DMD: variants seen among roughly 807,000 people sequenced by gnomAD.
DMD encodes dystrophin.
DMD carries 63 observed loss-of-function variants against 330.1 expected under a neutral mutation model. The observed-to-expected ratio is 0.19, with a 90% CI of 0.16 to 0.24. The LOEUF is 0.24. Ranked by LOEUF, DMD falls within the 10% of genes least tolerant of loss-of-function variation. The pLI, the probability that DMD is intolerant of heterozygous loss-of-function variation, is 1.00. For missense variants in DMD, 3,344 were observed against 2,684.1 expected, an observed-to-expected ratio of 1.25 and a Z score of -5.43; for synonymous variants, 1,223 against 959.8, an observed-to-expected ratio of 1.27 and a Z score of -5.07.
At chrX:32,757,602 T>C (rs767440171) in intron 7 of DMD, among the ~76,000 whole-genome samples, 1 of 110,478 alleles carries the variant, frequency 9.1e-6, no homozygotes, top group Non-Finnish European at 1.9e-5. Flanking sequence ...GATCTGATGG[T>C]TTTATACAAG....
At chrX:31,335,658 T>C (rs2057371543) in intron 61 of DMD, among the ~76,000 whole-genome samples, 1 of 112,305 alleles carries the variant, frequency 8.9e-6, no homozygotes. Flanking sequence ...TAATAATCAC[T>C]ACTTATCCTG....
chrX:31,359,580 T>C (rs2058833655), intron 60 of DMD, among the ~76,000 whole-genome samples: 1 of 112,370 alleles, frequency 8.9e-6, no homozygotes, highest in Admixed American at 9.4e-5. Context: ...TATAGAGCAT[T>C]TACTATATCC....
intron 67 of DMD, 106 bp from the exon 68 acceptor site, chrX:31,183,010 A>C: frequency 1.4e-6 from 1 of 699,847 alleles, no homozygotes; most frequent in South Asian, 2.7e-5. Flanking sequence ...TAAACAGAAA[A>C]GATAGAAAGA....
At chrX:32,777,522 A>C (rs1175371853) in intron 7 of DMD, among the ~76,000 whole-genome samples, 1 of 110,455 alleles carries the variant, frequency 9.1e-6, no homozygotes, top group African/African-American at 3.3e-5. Flanking sequence ...GTCATTGGGG[A>C]AAGTTATGCT....
intron 1 of DMD, among the ~76,000 whole-genome samples, chrX:33,185,555 A>C (rs1248662228): frequency 9.0e-6 from 1 of 111,602 alleles, no homozygotes; most frequent in Non-Finnish European, 1.9e-5. Context: ...ACTATCATCT[A>C]TCTCCATGTA....
At chrX:31,215,136 T>G (rs1278347698) in intron 64 of DMD, among the ~76,000 whole-genome samples, 1 of 107,913 alleles carries the variant, frequency 9.3e-6, no homozygotes, top group African/African-American at 3.4e-5. Context: ...AGAGATGGGG[T>G]TTCACCGTGT....
chrX:31,348,450 T>C, intron 61 of DMD, 106 bp downstream of exon 61: 5 of 741,333 alleles, frequency 6.7e-6, no homozygotes, highest in Non-Finnish European at 1.0e-5. Flanking sequence ...CTGCATCTGA[T>C]AAAAGATTAC....
chrX:31,168,148 G>C (rs1189559153), intron 74 of DMD, among the ~76,000 whole-genome samples: 1 of 111,723 alleles, frequency 9.0e-6, no homozygotes, highest in Admixed American at 9.5e-5. Flanking sequence ...GCTTGAGCTT[G>C]ACCCCAAAGG....
At chrX:33,026,908 T>A (rs2094015024) in intron 1 of DMD, among the ~76,000 whole-genome samples, 1 of 112,160 alleles carries the variant, frequency 8.9e-6, no homozygotes, top group Admixed American at 9.5e-5. Context: ...TCCCAGCACT[T>A]AGCATAGAAT....
chrX:31,658,914 G>A (rs2080948737), intron 53 of DMD, among the ~76,000 whole-genome samples: 1 of 111,851 alleles, frequency 8.9e-6, no homozygotes, highest in Admixed American at 9.5e-5. Context: ...TAAGCATTAA[G>A]ATAATACTAA....
intron 60 of DMD, among the ~76,000 whole-genome samples, chrX:31,427,392 T>C (rs917454230): frequency 8.9e-6 from 1 of 111,775 alleles, no homozygotes; most frequent in East Asian, 2.8e-4. Flanking sequence ...CTCACATCTC[T>C]AGTGGAGCCC....
At chrX:32,717,557 T>A (rs933803220) in intron 7 of DMD, among the ~76,000 whole-genome samples, 1 of 111,499 alleles carries the variant, frequency 9.0e-6, no homozygotes, top group Non-Finnish European at 1.9e-5. Flanking sequence ...ATAGAGAACC[T>A]CTACTAGGGC....
intron 52 of DMD, among the ~76,000 whole-genome samples, chrX:31,692,460 A>G (rs932716301): frequency 1.8e-5 from 2 of 111,813 alleles, no homozygotes; most frequent in African/African-American, 6.5e-5. Context: ...AACAATAGAA[A>G]AAAAGTCAAT....
rs1054309184 is a variant in DMD, at chrX:32,564,734, T to C, written c.1992+968A>G. Among the ~76,000 whole-genome samples the C allele has an allele frequency of 1.7e-4, 19 of 111,951 alleles. No homozygotes were observed. In the Admixed American group the frequency reaches 1.7e-3, roughly 10 times the overall value. ...GGCTGGTTTATTACGCTGTCTTAAA[T>C]TGTATTCCTGGAGGCAATACTACAA... On this transcript the variant is annotated intron_variant, in intron 16 of 78. Transcript: ENST00000357033.
intron 2 of DMD, among the ~76,000 whole-genome samples, chrX:32,894,690 C>G (rs998085319): frequency 1.8e-5 from 2 of 112,175 alleles, no homozygotes; most frequent in Admixed American, 1.9e-4. Context: ...TTCCGTAGCT[C>G]GGAAAACACA....
At chrX:32,834,682 T>G (rs1211510203) in intron 4 of DMD, among the ~76,000 whole-genome samples, 5 of 111,834 alleles carry the variant, frequency 4.5e-5, no homozygotes, top group African/African-American at 1.6e-4. Context: ...TATCCCACAT[T>G]GTAGATTTGA....
intron 7 of DMD, among the ~76,000 whole-genome samples, chrX:32,785,566 G>C (rs1289492825): frequency 9.0e-6 from 1 of 111,208 alleles, no homozygotes; most frequent in Non-Finnish European, 1.9e-5. Flanking sequence ...GTACATTTCT[G>C]TTTATGATGA....
At position 32,506,303 on chromosome X, in the gene DMD, C is replaced by G. The variant is rs1320624842; in HGVS notation, c.2293-4461G>C. Among the ~76,000 whole-genome samples the G allele has an allele frequency of 2.8e-4, 30 of 108,176 alleles. No individual in the cohort carries two copies. In the Admixed American group the frequency reaches 3.0e-3, roughly 11 times the overall value. The allele number at this position is 108,176 out of a possible 115,157, so 93.9% of individuals were successfully genotyped here. A position where few individuals can be genotyped will look rare whatever the true frequency, so the allele number is the denominator to read the frequency against. On this transcript the variant is annotated intron_variant, in intron 18 of 78. Coordinates refer to ENST00000357033, the MANE Select transcript of DMD (RefSeq NM_004006.3). Reference sequence around the variant, plus strand: ...CGGGTTATATGGGAAATTTTTGTACCTTCTGTTCAATTGTGCTGTGAACCT... The same window carrying G: ...CGGGTTATATGGGAAATTTTTGTACGTTCTGTTCAATTGTGCTGTGAACCT...
At chrX:32,649,640 T>A (rs955173220) in intron 9 of DMD, among the ~76,000 whole-genome samples, 2 of 108,379 alleles carry the variant, frequency 1.8e-5, no homozygotes, top group African/African-American at 6.8e-5. Flanking sequence ...ATGACTGTTT[T>A]AGTCCAGCAA....
Sources: allele counts gnomAD v4.1 joint callset (sites outside exome capture counted in the v4.1 genomes callset), GRCh38; gene constraint gnomAD v4.1.1; transcripts MANE v1.5; gene names NCBI Gene and HGNC (gene_info 2026-07-23, HGNC 2026-07-21).